Variants in PDE2A observed in about 807,000 individuals in gnomAD.
PDE2A encodes the protein phosphodiesterase 2A, also known as cGMP-dependent 3',5'-cyclic phosphodiesterase.
In PDE2A, 53 loss-of-function variants were observed where a neutral mutation model predicts 133.6. The observed-to-expected ratio is 0.40, with a 90% CI of 0.32 to 0.50. PDE2A has a LOEUF of 0.50. Ranked by LOEUF, PDE2A falls within the 20% of genes least tolerant of loss-of-function variation. PDE2A has a pLI of 0.73. For synonymous variants in PDE2A, 491 were observed against 490.2 expected (o/e 1.00, Z -0.02); for missense variants, 796 against 1,232.4 (o/e 0.65, Z 5.30).
At chr11:72,655,174 T>G (rs1854859365) in intron 1 of PDE2A, among the ~76,000 whole-genome samples, 1 of 152,192 alleles carries the variant, frequency 6.6e-6, no homozygotes, top group Non-Finnish European at 1.5e-5. Context: ...ACTCAGAGAC[T>G]GTGCTGCTGC....
At chr11:72,615,209 G>T in intron 2 of PDE2A, 1 of 386,584 alleles carries the variant, frequency 2.6e-6, no homozygotes, top group Non-Finnish European at 6.0e-6. Context: ...CTCCCTTCCA[G>T]CGCCCACAAC....
At chr11:72,599,914 A>G (rs1856662606) in intron 4 of PDE2A, among the ~76,000 whole-genome samples, 2 of 152,236 alleles carry the variant, frequency 1.3e-5, no homozygotes, top group African/African-American at 4.8e-5. Flanking sequence ...ACTCAGGTGC[A>G]GGGTGTGATG....
intron 1 of PDE2A, among the ~76,000 whole-genome samples, chr11:72,664,067 G>A (rs973761128): frequency 5.3e-5 from 8 of 152,180 alleles, no homozygotes; most frequent in Non-Finnish European, 1.0e-4. Flanking sequence ...GCTCATGGTG[G>A]GTATTCACCC....
intron 2 of PDE2A, among the ~76,000 whole-genome samples, chr11:72,619,799 G>A (rs1356393401): frequency 1.3e-5 from 2 of 152,090 alleles, no homozygotes; most frequent in Non-Finnish European, 2.9e-5. Context: ...CCTCAGATGC[G>A]GGCTCATCTG....
At chr11:72,654,161 G>A (rs1160375771) in intron 1 of PDE2A, among the ~76,000 whole-genome samples, 3 of 152,042 alleles carry the variant, frequency 2.0e-5, no homozygotes, top group Non-Finnish European at 2.9e-5. Flanking sequence ...GCCCTGTGTC[G>A]GGGCCCTGAG....
chr11:72,583,256 A>G (rs1855803219), intron 20 of PDE2A, among the ~76,000 whole-genome samples, 182 bp downstream of exon 20: 1 of 152,194 alleles, frequency 6.6e-6, no homozygotes, highest in African/African-American at 2.4e-5. Context: ...GACTGAGCTC[A>G]GAAGCAGCTT....
At chr11:72,653,718 G>T (rs1301999307) in intron 1 of PDE2A, among the ~76,000 whole-genome samples, 2 of 152,242 alleles carry the variant, frequency 1.3e-5, no homozygotes, top group African/African-American at 4.8e-5. Context: ...CCAGAGTCCT[G>T]AGCTGGCCCC....
chr11:72,584,883 C>G lies in PDE2A; in HGVS notation c.1348G>C (p.Val450Leu). The change falls in exon 17 of 31, where the codon GTG becomes CTG. Residue 450 changes from valine to leucine, a missense_variant. Coordinates refer to ENST00000334456, the MANE Select transcript of PDE2A (RefSeq NM_002599.5). ...LVAKVFDGGV[V>L]DDESYEIRIP... ...CCACACCCTCTCACCTCATCATCCACCACGCCCCCGTCGAACACCTTGGCC... is the reference window on the plus strand; with the variant it reads ...CCACACCCTCTCACCTCATCATCCAGCACGCCCCCGTCGAACACCTTGGCC... The G allele has an allele frequency of 6.2e-7, 1 of 1,614,138 alleles. No individual in the cohort carries two copies. Among genetic ancestry groups the G allele is most frequent in the Non-Finnish European group, 8.5e-7 (1 of 1,179,968 alleles).
At chr11:72,608,482 C>T (rs1258291163) in intron 3 of PDE2A, among the ~76,000 whole-genome samples, 180 bp downstream of exon 3, 1 of 152,194 alleles carries the variant, frequency 6.6e-6, no homozygotes, top group East Asian at 1.9e-4. Context: ...TAGCTTCAGG[C>T]TTCCTCCTCC....
intron 2 of PDE2A, among the ~76,000 whole-genome samples, chr11:72,633,223 G>C (rs1858508046): frequency 6.6e-6 from 1 of 152,156 alleles, no homozygotes; most frequent in Non-Finnish European, 1.5e-5. Context: ...CCACCAGCCA[G>C]GGAGGTCAGG....
Position 72,673,398 on chromosome 11 carries a change from T to TAC in PDE2A, c.71+737_71+738dup, listed in dbSNP as rs10552751. Among the ~76,000 whole-genome samples, 1,246 of 148,418 alleles carry TAC rather than the reference T, an allele frequency of 8.4e-3. 10 individuals are homozygous for TAC. The highest frequency in any genetic ancestry group is 0.024 in the East Asian group (118 of 4,994). ...ACATGTCCCTTACATTCCACATGTATACACACACACACACACACACATACC... is the reference window on the plus strand; with the variant it reads ...ACATGTCCCTTACATTCCACATGTATACACACACACACACACACACACATACC... On this transcript the variant is annotated intron_variant, in intron 1 of 30. Transcript: ENST00000334456.
At chr11:72,642,835 G>C (rs191815140) in intron 1 of PDE2A, among the ~76,000 whole-genome samples, 1,633 of 152,210 alleles carry the variant, frequency 0.011, 23 homozygotes, top group African/African-American at 0.037. Flanking sequence ...GAAGGGGAAG[G>C]GGGGCAGGGG....
chr11:72,633,621 GT>G (rs1858530307), intron 2 of PDE2A, among the ~76,000 whole-genome samples: 1 of 152,182 alleles, frequency 6.6e-6, no homozygotes, highest in African/African-American at 2.4e-5. Context: ...GCTTGCACAT[GT>G]TTATGTGTCT....
At position 72,590,454 on chromosome 11, in the gene PDE2A, G is replaced by C. The variant is rs371714314; in HGVS notation, c.676C>G (p.Arg226Gly). The C allele has an allele frequency of 3.9e-6, 6 of 1,551,218 alleles. No homozygotes were observed. The East Asian group carries it at 9.2e-5, about 24-fold the overall frequency. The change falls in exon 8 of 31, where the codon CGC becomes GGC. Residue 226 changes from arginine to glycine, a missense_variant. By Grantham distance (125) the Arg-to-Gly change is moderately radical. Coordinates refer to ENST00000334456, the MANE Select transcript of PDE2A (RefSeq NM_002599.5). This position sits in a 1 kb window ranked among gnomAD's most constrained non-coding sequence, Gnocchi z 4.8. Reference protein sequence around the residue: ...DQKGGAAYTDRDRKILQLCGE... With the variant: ...DQKGGAAYTDGDRKILQLCGE... The stretch of plus-strand genomic sequence containing the variant: ...CACAGTTGGAGGATCTTGCGGTCGC[G>C]GTCGGTGTACGCCGCCCCGCCCTTC...
chr11:72,643,711 TGG>T (rs1177789746), intron 1 of PDE2A: 1 of 152,236 alleles, frequency 6.6e-6, no homozygotes, highest in Non-Finnish European at 1.5e-5. Context: ...CCTTTCTCCC[TGG>T]GGAGTGATTT....
chr11:72,625,146 A>T (rs1857994066), intron 2 of PDE2A, among the ~76,000 whole-genome samples: 2 of 152,152 alleles, frequency 1.3e-5, no homozygotes, highest in African/African-American at 4.8e-5. Context: ...CACACCCCTA[A>T]GCCCAGAGGC....
intron 2 of PDE2A, among the ~76,000 whole-genome samples, chr11:72,629,473 C>T (rs1293599063): frequency 1.3e-5 from 2 of 152,256 alleles, no homozygotes; most frequent in Non-Finnish European, 2.9e-5. Flanking sequence ...CCCAGGAACA[C>T]CATCTGTCCC....
In PDE2A at chr11:72,580,626, T is replaced by C. The variant is rs111657177; in HGVS notation, c.2134-2A>G. On this transcript the variant is annotated splice_acceptor_variant, in intron 24 of 30. Coordinates refer to ENST00000334456, the MANE Select transcript of PDE2A (RefSeq NM_002599.5). LOFTEE classifies it high-confidence loss of function. The stretch of plus-strand genomic sequence containing the variant: ...GTAGAGCGCAGCCAGCACAGATTTC[T>C]GGAAAAGCCCAGGAAAACTGTGGTC... The C allele has an allele frequency of 1.9e-6, 3 of 1,563,530 alleles. No homozygotes were observed. In the African/African-American group the frequency reaches 4.0e-5, roughly 21 times the overall value.
At chr11:72,591,114 C>T in intron 7 of PDE2A, 183 bp downstream of exon 7, 2 of 639,142 alleles carry the variant, frequency 3.1e-6, no homozygotes, top group East Asian at 2.6e-5. Flanking sequence ...TATCATTATC[C>T]CCATTTTCAG....
Sources: gnomAD v4.1 joint callset for allele counts (sites outside exome capture counted in the v4.1 genomes callset) on GRCh38, gnomAD v4.1.1 for gene constraint, Gnocchi (gnomAD v3.1) non-coding constraint, MANE v1.5 for transcripts, NCBI Gene and HGNC (gene_info 2026-07-23, HGNC 2026-07-21) for gene names.